Variants in GRM7 observed in about 807,000 individuals in gnomAD.
The protein encoded by GRM7 is metabotropic glutamate receptor 7.
Under a neutral mutation model 84.5 loss-of-function variants are expected in GRM7, and 35 were observed. The observed-to-expected ratio is 0.41, with a 90% confidence interval of 0.32 to 0.55. GRM7 has a LOEUF of 0.55. GRM7 is among the 20% of genes least tolerant of loss of function. GRM7 has a pLI of 0.19. For synonymous variants in GRM7, 487 were observed against 455.1 expected, an observed-to-expected ratio of 1.07 and a Z score of -0.89; for missense variants, 1,003 against 1,194.6, an observed-to-expected ratio of 0.84 and a Z score of 2.36.
At chr3:6,910,666 G>T (rs1287873663) in intron 1 of GRM7, among the ~76,000 whole-genome samples, 1 of 152,094 alleles carries the variant, frequency 6.6e-6, no homozygotes, top group Non-Finnish European at 1.5e-5. Flanking sequence ...CAAGAGAATT[G>T]CTTGAGGCCA....
intron 9 of GRM7, among the ~76,000 whole-genome samples, chr3:7,732,426 G>A (rs1267550626): frequency 1.3e-5 from 2 of 152,324 alleles, no homozygotes; most frequent in East Asian, 3.9e-4. Flanking sequence ...GAGAGGTCAT[G>A]AGAGGGTGCA....
At chr3:7,407,674 AAAT>A (rs1266882046) in intron 4 of GRM7, among the ~76,000 whole-genome samples, 2 of 152,246 alleles carry the variant, frequency 1.3e-5, no homozygotes, top group African/African-American at 2.4e-5. Flanking sequence ...TGAATGAATG[AAAT>A]AATAAGCAAA....
At position 7,566,115 on chromosome 3, in the gene GRM7, T is replaced by G. The variant is rs917455162; in HGVS notation, c.1516-12307T>G. 5.2e-4 allele frequency among the ~76,000 whole-genome samples: 21 copies of G among 40,714 alleles called. 1 individual carries two copies. The highest frequency in any genetic ancestry group is 1.1e-3 in the African/African-American group (20 of 17,970). 26.7% of individuals were successfully genotyped at this position (40,714 alleles called of 152,430 possible). A position where few individuals can be genotyped will look rare whatever the true frequency, so the allele number is the denominator to read the frequency against. ...CTCTGAATCAGCTGTTTTTTTTTTTTTTTTTTTTTTTTTTTTTGTAAAAGA... is the reference window on the plus strand; with the variant it reads ...CTCTGAATCAGCTGTTTTTTTTTTTGTTTTTTTTTTTTTTTTTGTAAAAGA... On this transcript the variant is annotated intron_variant, in intron 7 of 9. Transcript: ENST00000357716.
intron 8 of GRM7, among the ~76,000 whole-genome samples, chr3:7,598,294 T>G (rs939916551): frequency 6.6e-6 from 1 of 152,204 alleles, no homozygotes; most frequent in African/African-American, 2.4e-5. Flanking sequence ...ACATGTCCTT[T>G]GCTTTGCAGG....
rs574909005 is a variant in GRM7 at position 7,494,920 on chromosome 3, A to T, written c.1515+33198A>T. On this transcript the variant is annotated intron_variant, in intron 7 of 9. Transcript: ENST00000357716. Reference sequence around the variant, plus strand: ...AAAACCTTGGTCAAATAATTCCAACATCTGATTTGTTTCAGTATTGGCATC... The same window carrying T: ...AAAACCTTGGTCAAATAATTCCAACTTCTGATTTGTTTCAGTATTGGCATC... 5.5e-4 allele frequency among the ~76,000 whole-genome samples: 84 copies of T among 152,334 alleles called. 5 individuals carry two copies. The South Asian group carries it at 0.017, about 31-fold the overall frequency.
At chr3:7,157,386 C>T (rs1264305203) in intron 2 of GRM7, among the ~76,000 whole-genome samples, 1 of 151,946 alleles carries the variant, frequency 6.6e-6, no homozygotes, top group East Asian at 1.9e-4. Flanking sequence ...CTTCTCTGTT[C>T]TTGTAGTGCA....
At chr3:7,401,217 C>A (rs1223330777) in intron 4 of GRM7, among the ~76,000 whole-genome samples, 2 of 152,082 alleles carry the variant, frequency 1.3e-5, no homozygotes, top group African/African-American at 4.8e-5. Flanking sequence ...AATGAGATTG[C>A]ATTTTCTTTC....
intron 4 of GRM7, among the ~76,000 whole-genome samples, chr3:7,335,193 A>G (rs1043606646): frequency 6.6e-6 from 1 of 152,168 alleles, no homozygotes; most frequent in African/African-American, 2.4e-5. Context: ...GTTTAAGATA[A>G]TCTAAATTTT....
intron 2 of GRM7, among the ~76,000 whole-genome samples, chr3:7,225,222 A>G (rs1014754732): frequency 4.6e-5 from 7 of 151,518 alleles, no homozygotes; most frequent in Admixed American, 3.3e-4. Context: ...TGTATCCTTC[A>G]CTCATACCTT....
chr3:7,395,608 T>A (rs1695180006), intron 4 of GRM7, among the ~76,000 whole-genome samples: 1 of 152,174 alleles, frequency 6.6e-6, no homozygotes. Flanking sequence ...ACTGTCCTCA[T>A]GGTAGTGAAT....
intron 2 of GRM7, among the ~76,000 whole-genome samples, chr3:7,173,756 C>T (rs1695059591): frequency 6.6e-6 from 1 of 152,186 alleles, no homozygotes; most frequent in African/African-American, 2.4e-5. Flanking sequence ...GACCTCAGAG[C>T]TTGGCTCAGA....
At chr3:6,896,096 G>T (rs538560741) in intron 1 of GRM7, among the ~76,000 whole-genome samples, 42 of 152,030 alleles carry the variant, frequency 2.8e-4, no homozygotes, top group Non-Finnish European at 5.4e-4. Flanking sequence ...AAGATTAATG[G>T]GCCATTTTTT....
At chr3:7,199,210 C>G (rs1335967733) in intron 2 of GRM7, among the ~76,000 whole-genome samples, 1 of 152,196 alleles carries the variant, frequency 6.6e-6, no homozygotes, top group Non-Finnish European at 1.5e-5. Context: ...CCTCTGCTTT[C>G]TCTCTTGGGA....
chr3:7,348,013 G>A (rs988571830), intron 4 of GRM7, among the ~76,000 whole-genome samples: 1 of 152,110 alleles, frequency 6.6e-6, no homozygotes, highest in African/African-American at 2.4e-5. Flanking sequence ...TATAGAAGGG[G>A]AAACTGAGGC....
At chr3:7,635,051 T>C (rs905563062) in intron 8 of GRM7, among the ~76,000 whole-genome samples, 2 of 152,230 alleles carry the variant, frequency 1.3e-5, no homozygotes, top group Admixed American at 6.5e-5. Flanking sequence ...TTGCCTCATG[T>C]GGCAGCCATA....
At chr3:7,284,744 A>G (rs991093259) in intron 2 of GRM7, among the ~76,000 whole-genome samples, 1 of 152,082 alleles carries the variant, frequency 6.6e-6, no homozygotes. Flanking sequence ...ATGTTCATTT[A>G]TATAACAAAA....
Position 7,701,214 on chromosome 3 carries a change from G to A in GRM7, c.2698+20919G>A, listed in dbSNP as rs575110279. Reference sequence around the variant, plus strand: ...GGCTGCCCAGTCTGTCTCCAAAGATGCTTTTCTTTCCCAATGCCATTAATT... The same window carrying A: ...GGCTGCCCAGTCTGTCTCCAAAGATACTTTTCTTTCCCAATGCCATTAATT... On this transcript the variant is annotated intron_variant, in intron 9 of 9. Transcript: ENST00000357716. Among the ~76,000 whole-genome samples the A allele has an allele frequency of 2.6e-5, 4 of 151,918 alleles. No individual in the cohort carries two copies. In the South Asian group the frequency reaches 8.3e-4, roughly 32 times the overall value.
chr3:6,891,699 C>G (rs56976467), intron 1 of GRM7, among the ~76,000 whole-genome samples: 1 of 152,116 alleles, frequency 6.6e-6, no homozygotes, highest in Non-Finnish European at 1.5e-5. Context: ...GCAAATCTGA[C>G]AATTATGTGT....
intron 1 of GRM7, among the ~76,000 whole-genome samples, chr3:6,988,524 T>C (rs1694513630): frequency 2.0e-5 from 3 of 152,208 alleles, no homozygotes; most frequent in African/African-American, 7.2e-5. Flanking sequence ...TCCTTGTGAT[T>C]ACTAACACTG....
Sources: gnomAD v4.1 joint callset for allele counts (sites outside exome capture counted in the v4.1 genomes callset) on GRCh38, gnomAD v4.1.1 for gene constraint, MANE v1.5 for transcripts, NCBI Gene and HGNC (gene_info 2026-07-23, HGNC 2026-07-21) for gene names.